ARB2A: variants seen among roughly 807,000 people sequenced by gnomAD.
ARB2A encodes the protein cotranscriptional regulator ARB2A.
the ARB2A span, among the ~76,000 whole-genome samples, chr5:93,663,662 G>C: frequency 6.6e-6 from 1 of 152,182 alleles, no homozygotes; most frequent in Non-Finnish European, 1.5e-5. Flanking sequence ...TCTCAACTGG[G>C]CTTTGGTGGT....
the ARB2A span, among the ~76,000 whole-genome samples, chr5:93,925,703 G>A: frequency 5.9e-5 from 9 of 152,208 alleles, no homozygotes; most frequent in Middle Eastern, 3.4e-3. Flanking sequence ...CAGGGATAAG[G>A]GGAGGACTAC....
the ARB2A span, among the ~76,000 whole-genome samples, chr5:94,037,049 A>G: frequency 6.6e-6 from 1 of 152,100 alleles, no homozygotes; most frequent in Non-Finnish European, 1.5e-5. Flanking sequence ...CTGATTTATG[A>G]TTGCACCTTA....
chr5:94,097,456 T>C, the ARB2A span, among the ~76,000 whole-genome samples: 6 of 152,146 alleles, frequency 3.9e-5, no homozygotes, highest in African/African-American at 1.2e-4. Flanking sequence ...AGGGACCCAG[T>C]GGGAGGTAAT....
chr5:94,033,210 A>G, the ARB2A span, among the ~76,000 whole-genome samples: 2 of 152,170 alleles, frequency 1.3e-5, no homozygotes, highest in Non-Finnish European at 2.9e-5. Context: ...GTGTTTCTTT[A>G]TAACAGTGTG....
the ARB2A span, chr5:93,620,652 C>A: frequency 4.8e-6 from 1 of 206,468 alleles, no homozygotes; most frequent in Non-Finnish European, 9.6e-6. Context: ...CGCGCCGACG[C>A]CGCCGGACCC....
chr5:94,012,219 G>A, the ARB2A span, among the ~76,000 whole-genome samples: 2,070 of 152,140 alleles, frequency 0.014, 42 homozygotes, highest in African/African-American at 0.048. Context: ...TGGCTAACAC[G>A]GTGAAACCCC....
At chr5:93,854,356 T>C in the ARB2A span, among the ~76,000 whole-genome samples, 2 of 152,164 alleles carry the variant, frequency 1.3e-5, no homozygotes, top group South Asian at 4.1e-4. Context: ...TTTTCTTCTT[T>C]ATTAGTCTTG....
At chr5:94,102,735 A>C in the ARB2A span, among the ~76,000 whole-genome samples, 6 of 152,082 alleles carry the variant, frequency 3.9e-5, no homozygotes, top group Non-Finnish European at 8.8e-5. Context: ...CCATGGTCAA[A>C]GTGAAAGAAA....
the ARB2A span, among the ~76,000 whole-genome samples, chr5:93,771,401 A>G: frequency 3.3e-5 from 5 of 151,564 alleles, no homozygotes; most frequent in African/African-American, 7.3e-5. Context: ...ATGGGCAAGG[A>G]CTTCATGTCT....
the ARB2A span, among the ~76,000 whole-genome samples, chr5:94,027,114 C>T: frequency 6.6e-6 from 1 of 152,120 alleles, no homozygotes; most frequent in Non-Finnish European, 1.5e-5. Flanking sequence ...TTCCTTGAAA[C>T]CCAACATCCT....
the ARB2A span, among the ~76,000 whole-genome samples, chr5:93,911,193 T>C: frequency 1.3e-5 from 2 of 151,602 alleles, no homozygotes. Context: ...CAAAGTAGAA[T>C]CTATATTATG....
At chr5:93,848,632 ATCAGATTAC>A in the ARB2A span, among the ~76,000 whole-genome samples, 1 of 152,228 alleles carries the variant, frequency 6.6e-6, no homozygotes, top group East Asian at 1.9e-4. Flanking sequence ...GTGACTAAGT[ATCAGATTAC>A]TCATATATAA....
At chr5:93,916,975 A>G in the ARB2A span, among the ~76,000 whole-genome samples, 2 of 152,206 alleles carry the variant, frequency 1.3e-5, 1 homozygote, top group South Asian at 4.1e-4. Flanking sequence ...AGCCATAAGC[A>G]TTTGGACTAT....
the ARB2A span, chr5:93,683,707 G>C: frequency 6.2e-7 from 1 of 1,610,972 alleles, no homozygotes; most frequent in Non-Finnish European, 8.5e-7. Flanking sequence ...CATGTCCATC[G>C]AATCTTCCAT....
chr5:93,843,124 G>GA, the ARB2A span, among the ~76,000 whole-genome samples: 10 of 152,146 alleles, frequency 6.6e-5, no homozygotes, highest in African/African-American at 2.4e-4. Context: ...GTGCATGGGG[G>GA]AAAGTTCCCA....
chr5:94,073,870 A>C, the ARB2A span, among the ~76,000 whole-genome samples: 4 of 152,086 alleles, frequency 2.6e-5, no homozygotes, highest in African/African-American at 7.2e-5. Context: ...GCTCTTTGTG[A>C]AGGTCAAATG....
At chr5:94,004,211 G>T in the ARB2A span, among the ~76,000 whole-genome samples, 1 of 152,132 alleles carries the variant, frequency 6.6e-6, no homozygotes, top group African/African-American at 2.4e-5. Flanking sequence ...TAAATGTGAA[G>T]TAAACTATAA....
chr5:93,826,605 T>C, the ARB2A span, among the ~76,000 whole-genome samples: 2 of 152,088 alleles, frequency 1.3e-5, no homozygotes, highest in Non-Finnish European at 2.9e-5. Context: ...TTTAATTTTT[T>C]TTATTATACT....
At chr5:93,785,498 A>T in the ARB2A span, among the ~76,000 whole-genome samples, 1 of 152,176 alleles carries the variant, frequency 6.6e-6, no homozygotes, top group East Asian at 1.9e-4. Flanking sequence ...AGAATTCTGA[A>T]TGGCGATGAA....
Sources: gnomAD v4.1 joint callset for allele counts (sites outside exome capture counted in the v4.1 genomes callset) on GRCh38, gnomAD v4.1.1 for gene constraint, MANE v1.5 for transcripts, NCBI Gene and HGNC (gene_info 2026-07-23, HGNC 2026-07-21) for gene names.